The following POU2F1 variants were observed in gnomAD, a reference collection of about 807,000 sequenced individuals.
The protein encoded by POU2F1 is POU domain, class 2, transcription factor 1.
A neutral mutation model predicts 84.9 loss-of-function variants in POU2F1; 16 were observed. That is an observed-to-expected ratio of 0.19 (90% confidence interval 0.13 to 0.29). The LOEUF (loss-of-function observed/expected upper bound fraction) is 0.29. Among genes scored for constraint, POU2F1 ranks in the 10% least tolerant of loss-of-function variants. The probability of loss-of-function intolerance (pLI) is 1.00; values close to 1 mark genes in which losing one functional copy is unlikely to be tolerated. For missense variants in POU2F1, 738 were observed against 942.6 expected, an observed-to-expected ratio of 0.78 and a Z score of 2.84; for synonymous variants, 368 against 368.3, an observed-to-expected ratio of 1.00 and a Z score of 0.01.
chr1:167,356,871 C>T (rs1658973542), intron 2 of POU2F1, among the ~76,000 whole-genome samples: 1 of 152,190 alleles, frequency 6.6e-6, no homozygotes, highest in Non-Finnish European at 1.5e-5. Flanking sequence ...GCCCTCCTTA[C>T]CCTTGGGAGG....
Position 167,400,424 on chromosome 1 carries a change from C to CT in POU2F1, c.1450-1026dup, listed in dbSNP as rs1369591335. On this transcript the variant is annotated intron_variant, in intron 12 of 15. Coordinates refer to ENST00000367866, the MANE Select transcript of POU2F1 (RefSeq NM_002697.4). The stretch of plus-strand genomic sequence containing the variant: ...TAAATTTGCTGCTGATCCCAGTTAT[C>CT]TCAGAAAATCTTGTTACTTTTTATT... Among the ~76,000 whole-genome samples the CT allele has an allele frequency of 3.9e-5, 6 of 152,328 alleles. No homozygotes were observed. The East Asian group carries it at 1.2e-3, about 29-fold the overall frequency.
chr1:167,222,879 G>A (rs776899603), intron 1 of POU2F1, among the ~76,000 whole-genome samples: 49 of 152,128 alleles, frequency 3.2e-4, no homozygotes, highest in Non-Finnish European at 5.4e-4. Flanking sequence ...TTTTGGGGAT[G>A]GGTACCCCGG....
chr1:167,322,636 C>T (rs561338994), intron 1 of POU2F1, among the ~76,000 whole-genome samples: 2 of 152,324 alleles, frequency 1.3e-5, no homozygotes, highest in Non-Finnish European at 2.9e-5. Context: ...GTCATGGAGA[C>T]CCTAACCCAG....
chr1:167,271,021 C>G (rs528964248), intron 1 of POU2F1, among the ~76,000 whole-genome samples: 4 of 152,266 alleles, frequency 2.6e-5, no homozygotes, highest in Admixed American at 2.0e-4. Flanking sequence ...TGTACCTTTC[C>G]AAGCCAGTGT....
chr1:167,314,189 C>G (rs1438018675), intron 1 of POU2F1, among the ~76,000 whole-genome samples: 2 of 146,204 alleles, frequency 1.4e-5, no homozygotes, highest in Non-Finnish European at 3.0e-5. Flanking sequence ...CAGAGCAAGA[C>G]TCTGTCTCAG....
intron 1 of POU2F1, among the ~76,000 whole-genome samples, chr1:167,319,830 G>A (rs1240121399): frequency 6.6e-6 from 1 of 152,076 alleles, no homozygotes; most frequent in African/African-American, 2.4e-5. Flanking sequence ...TCCAATCCTC[G>A]AGGATTAACT....
chr1:167,413,370 A>G (rs1181783270), intron 15 of POU2F1, among the ~76,000 whole-genome samples: 2 of 152,218 alleles, frequency 1.3e-5, no homozygotes, highest in Non-Finnish European at 2.9e-5. Context: ...GGTATATGGT[A>G]AAAAACCAGA....
At chr1:167,227,381 A>G (rs1285312704) in intron 1 of POU2F1, among the ~76,000 whole-genome samples, 3 of 152,240 alleles carry the variant, frequency 2.0e-5, no homozygotes, top group African/African-American at 7.2e-5. Flanking sequence ...TCTCTTTGCA[A>G]TAGAAGATAT....
chr1:167,339,302 A>G (rs369326899), intron 2 of POU2F1, among the ~76,000 whole-genome samples: 6 of 152,298 alleles, frequency 3.9e-5, no homozygotes, highest in East Asian at 1.9e-4. Context: ...TTGCCGTGTC[A>G]GGTAACAAAT....
chr1:167,324,403 G>A (rs1414165404), intron 1 of POU2F1, among the ~76,000 whole-genome samples: 1 of 147,216 alleles, frequency 6.8e-6, no homozygotes, highest in African/African-American at 2.7e-5. Context: ...GTGACTTTCA[G>A]TGAAAAACGT....
chr1:167,247,107 ACT>A (rs1474463525), intron 1 of POU2F1, among the ~76,000 whole-genome samples: 1 of 149,972 alleles, frequency 6.7e-6, no homozygotes, highest in Non-Finnish European at 1.5e-5. Flanking sequence ...ACAGGGTCTC[ACT>A]CTGTCGCCCA....
At chr1:167,340,454 C>CA in intron 2 of POU2F1, among the ~76,000 whole-genome samples, 1 of 111,316 alleles carries the variant, frequency 9.0e-6, no homozygotes, top group African/African-American at 3.9e-5. Flanking sequence ...TTTTTGGAGA[C>CA]AGAGTCTCAC....
chr1:167,242,848 G>T (rs1650009482), intron 1 of POU2F1, among the ~76,000 whole-genome samples: 1 of 152,168 alleles, frequency 6.6e-6, no homozygotes, highest in Non-Finnish European at 1.5e-5. Flanking sequence ...TGCTGTATCT[G>T]TATATGTATG....
At chr1:167,399,673 CTATT>C (rs1405802301) in intron 12 of POU2F1, among the ~76,000 whole-genome samples, 2 of 151,866 alleles carry the variant, frequency 1.3e-5, no homozygotes, top group Non-Finnish European at 2.9e-5. Flanking sequence ...ATTTATTTTT[CTATT>C]TATTTTATTT....
intron 1 of POU2F1, among the ~76,000 whole-genome samples, chr1:167,232,645 C>A (rs1287357933): frequency 6.6e-6 from 1 of 152,102 alleles, no homozygotes; most frequent in Non-Finnish European, 1.5e-5. Flanking sequence ...GAGTTCGAGA[C>A]CAGCCTGGCC....
intron 1 of POU2F1, among the ~76,000 whole-genome samples, chr1:167,326,961 G>A (rs1156652521): frequency 1.3e-5 from 2 of 152,144 alleles, no homozygotes; most frequent in African/African-American, 4.8e-5. Flanking sequence ...TTTCGTAAAG[G>A]CGGAAGAGGA....
At chr1:167,227,319 TAAATC>T (rs1443556017) in intron 1 of POU2F1, among the ~76,000 whole-genome samples, 1 of 152,166 alleles carries the variant, frequency 6.6e-6, no homozygotes, top group African/African-American at 2.4e-5. Flanking sequence ...TATATGAAAT[TAAATC>T]AATAATAATA....
chr1:167,316,746 A>T (rs1655930481), intron 1 of POU2F1, among the ~76,000 whole-genome samples: 1 of 152,232 alleles, frequency 6.6e-6, no homozygotes, highest in Non-Finnish European at 1.5e-5. Flanking sequence ...CCAGTATCAG[A>T]AATGAAATGG....
Position 167,412,259 on chromosome 1 carries a change from C to T in POU2F1, c.1856C>T (p.Ala619Val), listed in dbSNP as rs1298113089. The T allele has an allele frequency of 1.3e-6, 2 of 1,583,668 alleles. No homozygotes were observed. The stretch of plus-strand genomic sequence containing the variant: ...AGTCTTGCTGCCATGGCAGCTGCTG[C>T]AGGACTAAACCCAAGCCTGATGGCA... Reference protein sequence around the residue: ...NASLAAMAAAAGLNPSLMAPS... With the variant: ...NASLAAMAAAVGLNPSLMAPS... Residue 619 changes from alanine (A) to valine (V), a missense_variant, in exon 14 of 16, where the codon GCA becomes GTA. Coordinates refer to ENST00000367866, the MANE Select transcript of POU2F1 (RefSeq NM_002697.4).
Sources: gnomAD v4.1 joint callset for allele counts (sites outside exome capture counted in the v4.1 genomes callset) on GRCh38, gnomAD v4.1.1 for gene constraint, MANE v1.5 for transcripts, NCBI Gene and HGNC (gene_info 2026-07-23, HGNC 2026-07-21) for gene names.